DLGAP2: variants seen among roughly 807,000 people sequenced by gnomAD.
DLGAP2 encodes disks large-associated protein 2.
In DLGAP2, 26 loss-of-function variants were observed where a neutral mutation model predicts 100.3. The ratio of observed to expected loss-of-function variants is 0.26; its 90% CI spans 0.19 to 0.36. The LOEUF is 0.36. Ranked by LOEUF, DLGAP2 falls within the 10% of genes least tolerant of loss-of-function variation. The probability of loss-of-function intolerance (pLI) is 1.00; values close to 1 mark genes in which losing one functional copy is unlikely to be tolerated. For synonymous variants in DLGAP2, 886 were observed against 630.1 expected (o/e 1.41, Z -6.08); for missense variants, 1,858 against 1,453.2 (o/e 1.28, Z -4.53).
At chr8:986,445 A>C (rs1800489780) in intron 2 of DLGAP2, among the ~76,000 whole-genome samples, 1 of 152,122 alleles carries the variant, frequency 6.6e-6, no homozygotes, top group Non-Finnish European at 1.5e-5. Flanking sequence ...TTAGTATCTT[A>C]CTTTATGTGG....
intron 6 of DLGAP2, among the ~76,000 whole-genome samples, chr8:1,626,103 G>T (rs1168746539): frequency 2.1e-5 from 3 of 145,698 alleles, no homozygotes; most frequent in African/African-American, 8.1e-5. Flanking sequence ...TCTGGGTGTG[G>T]GTTGGACGGC....
At chr8:1,466,240 G>A (rs1019431110) in intron 3 of DLGAP2, among the ~76,000 whole-genome samples, 1 of 152,120 alleles carries the variant, frequency 6.6e-6, no homozygotes, top group Non-Finnish European at 1.5e-5. Flanking sequence ...CACAGAGTGG[G>A]CTTTGCTTTT....
intron 1 of DLGAP2, among the ~76,000 whole-genome samples, chr8:803,242 G>T (rs1002139821): frequency 3.3e-5 from 5 of 152,142 alleles, no homozygotes; most frequent in Admixed American, 6.5e-5. Flanking sequence ...TGTTTCTCCA[G>T]TGTGGAATTG....
intron 2 of DLGAP2, among the ~76,000 whole-genome samples, chr8:1,198,885 C>T (rs894123360): frequency 6.6e-6 from 1 of 152,232 alleles, no homozygotes; most frequent in African/African-American, 2.4e-5. Context: ...CCTGCCTATG[C>T]AGGTGCACAG....
At chr8:818,630 G>C (rs946235352) in intron 1 of DLGAP2, among the ~76,000 whole-genome samples, 2 of 152,198 alleles carry the variant, frequency 1.3e-5, no homozygotes, top group Admixed American at 6.5e-5. Flanking sequence ...GGAGCTGCAA[G>C]TTAGTCCTGC....
intron 1 of DLGAP2, among the ~76,000 whole-genome samples, chr8:903,603 T>C (rs1401563685): frequency 6.6e-6 from 1 of 152,098 alleles, no homozygotes; most frequent in Non-Finnish European, 1.5e-5. Context: ...GTATGAGTGT[T>C]ATTCCTCCAC....
intron 3 of DLGAP2, among the ~76,000 whole-genome samples, chr8:1,409,483 G>A (rs1796669247): frequency 6.6e-6 from 1 of 152,216 alleles, no homozygotes; most frequent in Admixed American, 6.5e-5. Flanking sequence ...AAATTCTCCA[G>A]ACACAAGTTC....
chr8:1,040,543 C>CGTGGTCGGCTCGGTGCGT (rs1472341919), intron 2 of DLGAP2, among the ~76,000 whole-genome samples: 192 of 145,558 alleles, frequency 1.3e-3, no homozygotes, highest in Non-Finnish European at 2.4e-3. Flanking sequence ...GCTCGGTGTG[C>CGTGGTCGGCTCGGTGCGT]GTGGTCGGCT....
In DLGAP2 at chr8:974,253, T is replaced by C. The variant is rs555531670; in HGVS notation, c.73+66287T>C. Among the ~76,000 whole-genome samples the C allele has an allele frequency of 3.3e-5, 5 of 152,244 alleles. No homozygotes were observed. In the South Asian group the frequency reaches 6.2e-4, roughly 19 times the overall value. ...TAGAAAATCAAAGATGAAAATGAAA[T>C]CTTGAAAGAAGCTACAGAAATAAAA... On this transcript the variant is annotated intron_variant, in intron 2 of 14. Transcript: ENST00000637795.
intron 4 of DLGAP2, among the ~76,000 whole-genome samples, chr8:1,536,332 C>T (rs532218542): frequency 2.0e-5 from 3 of 152,154 alleles, no homozygotes; most frequent in Non-Finnish European, 4.4e-5. Flanking sequence ...ATGAAATCAG[C>T]ACCATGCCGA....
intron 1 of DLGAP2, among the ~76,000 whole-genome samples, chr8:774,251 C>T (rs1279320003): frequency 6.6e-6 from 1 of 152,106 alleles, no homozygotes; most frequent in East Asian, 1.9e-4. Context: ...GATATTAGCC[C>T]TTTGTCAGAC....
At chr8:1,205,581 C>T (rs779237870) in intron 2 of DLGAP2, among the ~76,000 whole-genome samples, 1 of 152,228 alleles carries the variant, frequency 6.6e-6, no homozygotes, top group Non-Finnish European at 1.5e-5. Flanking sequence ...TTTACTGCAA[C>T]ACAGAGGCAC....
chr8:1,017,519 GCCTCC>G (rs1801492075), intron 2 of DLGAP2, among the ~76,000 whole-genome samples: 1 of 105,020 alleles, frequency 9.5e-6, no homozygotes, highest in African/African-American at 4.7e-5. Flanking sequence ...CAGGACAGAC[GCCTCC>G]ACTGTGTGTG....
chr8:1,159,332 G>T lies in DLGAP2; in HGVS notation c.74-99519G>T, dbSNP rs957840005. On this transcript the variant is annotated intron_variant, in intron 2 of 14. Coordinates refer to ENST00000637795, the MANE Select transcript of DLGAP2 (RefSeq NM_001346810.2). ...TTGTAATTAAACAATGTAAGAAGAG[G>T]TATAAGGGATACTGATTTTGATTTT... Among the ~76,000 whole-genome samples, 125 of 152,188 alleles carry T rather than the reference G, an allele frequency of 8.2e-4. 1 individual carries two copies. Among genetic ancestry groups the T allele is most frequent in the African/African-American group, 2.8e-3 (115 of 41,446 alleles).
chr8:1,318,779 C>CA (rs774970537), intron 3 of DLGAP2, among the ~76,000 whole-genome samples: 39 of 9,488 alleles, frequency 4.1e-3, no homozygotes, highest in Non-Finnish European at 6.1e-3. Flanking sequence ...CAGTGATCAG[C>CA]CCCCCCCCCG....
At position 1,707,097 on chromosome 8, in the gene DLGAP2, T is replaced by C. The variant is rs1258129646; in HGVS notation, c.*5691T>C. The C allele has an allele frequency of 6.5e-6, 1 of 152,686 alleles. No individual in the cohort carries two copies. Among genetic ancestry groups the C allele is most frequent in the Non-Finnish European group, 1.5e-5 (1 of 68,048 alleles). 9.5% of individuals were successfully genotyped at this position (152,686 alleles called of 1,614,324 possible). On this transcript the variant is annotated 3_prime_UTR_variant, in exon 15 of 15. Transcript: ENST00000637795. ...TCAAACTACTTTTTAACAGATTTTG[T>C]ATATACACACACAAGTTGACAGAGG... is the stretch of plus-strand genomic sequence containing the variant.
chr8:1,508,277 T>TGC, intron 4 of DLGAP2, among the ~76,000 whole-genome samples: 1 of 66,930 alleles, frequency 1.5e-5, no homozygotes, highest in African/African-American at 6.6e-5. Context: ...CCCCCTGCCA[T>TGC]ACCCCGCAAA....
At chr8:772,045 G>C (rs1476472138) in intron 1 of DLGAP2, among the ~76,000 whole-genome samples, 2 of 152,076 alleles carry the variant, frequency 1.3e-5, no homozygotes, top group Non-Finnish European at 2.9e-5. Context: ...TGGGACTAAG[G>C]CATGCACCAC....
intron 2 of DLGAP2, among the ~76,000 whole-genome samples, chr8:1,203,613 A>G (rs4735992): frequency 0.57 from 86,937 of 152,068 alleles, 27,456 homozygotes; most frequent in African/African-American, 0.85. Flanking sequence ...GTTTGAATGT[A>G]CTTCCTACAG....
Sources: gnomAD v4.1 joint callset for allele counts (sites outside exome capture counted in the v4.1 genomes callset) on GRCh38, gnomAD v4.1.1 for gene constraint, MANE v1.5 for transcripts, NCBI Gene and HGNC (gene_info 2026-07-23, HGNC 2026-07-21) for gene names.